The following RNF8 variants were observed in gnomAD, a reference collection of about 807,000 sequenced individuals.
RNF8 encodes ring finger protein 8.
Under a neutral mutation model 59.3 loss-of-function variants are expected in RNF8, and 8 were observed. The observed-to-expected ratio is 0.13, with a 90% CI of 0.08 to 0.24. The LOEUF is 0.24. Among genes scored for constraint, RNF8 ranks in the 10% least tolerant of loss-of-function variants. The pLI, the probability that RNF8 is intolerant of heterozygous loss-of-function variation, is 1.00. For missense variants in RNF8, 406 were observed against 572.6 expected (o/e 0.71, Z 2.97); for synonymous variants, 162 against 200.0 (o/e 0.81, Z 1.60).
In RNF8 at chr6:37,371,493, T is replaced by TA. The variant is rs761178035; in HGVS notation, c.976-19_976-18insA. The TA allele has an allele frequency of 1.9e-6, 3 of 1,611,618 alleles. No homozygotes were observed. In the South Asian group the frequency reaches 3.3e-5, roughly 18 times the overall value. ...CTTTTCCCTGCAGAGAAACCTTCCA[T>TA]TTTGTTTTGGCTTTGCAGGGTTTGG... is the stretch of plus-strand genomic sequence containing the variant. On this transcript the variant is annotated intron_variant, in intron 3 of 7. Transcript: ENST00000373479.
intron 7 of RNF8, among the ~76,000 whole-genome samples, chr6:37,383,765 G>A (rs1028508514): frequency 6.6e-6 from 1 of 152,236 alleles, no homozygotes; most frequent in Non-Finnish European, 1.5e-5. Flanking sequence ...AGCTAGGACA[G>A]ATAACAGACA....
Sources: gnomAD v4.1 joint callset for allele counts (sites outside exome capture counted in the v4.1 genomes callset) on GRCh38, gnomAD v4.1.1 for gene constraint, MANE v1.5 for transcripts, NCBI Gene and HGNC (gene_info 2026-07-23, HGNC 2026-07-21) for gene names.